Variants in NRG3 observed in about 807,000 individuals in gnomAD.
NRG3 encodes pro-neuregulin-3, membrane-bound isoform.
A neutral mutation model predicts 66.9 loss-of-function variants in NRG3; 31 were observed. The observed-to-expected ratio is 0.46, with a 90% CI of 0.35 to 0.63. NRG3 has a LOEUF of 0.63. Ranked by LOEUF, NRG3 falls within the 20% of genes least tolerant of loss-of-function variation. The probability of loss-of-function intolerance (pLI) is 0.00; values close to 1 mark genes in which losing one functional copy is unlikely to be tolerated. For missense variants in NRG3, 910 were observed against 878.9 expected (o/e 1.04, Z -0.45); for synonymous variants, 393 against 359.4 (o/e 1.09, Z -1.06).
At chr10:82,886,313 G>A (rs965465912) in intron 4 of NRG3, among the ~76,000 whole-genome samples, 1 of 152,034 alleles carries the variant, frequency 6.6e-6, no homozygotes, top group Admixed American at 6.5e-5. Flanking sequence ...TTTTACAAAG[G>A]CACTTCCTTT....
At chr10:82,486,476 G>C (rs1303456421) in intron 2 of NRG3, among the ~76,000 whole-genome samples, 1 of 151,662 alleles carries the variant, frequency 6.6e-6, no homozygotes, top group Non-Finnish European at 1.5e-5. Context: ...GTGCAGTGGT[G>C]CAATCTTGGC....
intron 1 of NRG3, among the ~76,000 whole-genome samples, chr10:81,954,455 A>G (rs1344350765): frequency 6.6e-6 from 1 of 152,218 alleles, no homozygotes; most frequent in Non-Finnish European, 1.5e-5. Flanking sequence ...AGATTAACAT[A>G]CCAGTTTGCT....
intron 1 of NRG3, among the ~76,000 whole-genome samples, chr10:82,277,405 T>C (rs1039548546): frequency 1.3e-5 from 2 of 152,132 alleles, no homozygotes; most frequent in Admixed American, 6.6e-5. Context: ...TATAAGGTTG[T>C]TTAAAACCAT....
At chr10:82,179,530 A>G (rs969393955) in intron 1 of NRG3, among the ~76,000 whole-genome samples, 1 of 151,846 alleles carries the variant, frequency 6.6e-6, no homozygotes, top group African/African-American at 2.4e-5. Flanking sequence ...TGTTCTTGGC[A>G]TCCTTGTCAA....
At chr10:82,875,744 G>A (rs1430109404) in intron 4 of NRG3, among the ~76,000 whole-genome samples, 1 of 152,134 alleles carries the variant, frequency 6.6e-6, no homozygotes, top group Non-Finnish European at 1.5e-5. Flanking sequence ...AGCCCTCCAA[G>A]TATTTTGTTT....
chr10:82,090,807 G>C (rs1288491239), intron 1 of NRG3, among the ~76,000 whole-genome samples: 1 of 152,130 alleles, frequency 6.6e-6, no homozygotes, highest in Non-Finnish European at 1.5e-5. Context: ...TTTGGTTTGG[G>C]ACTAAAAACA....
intron 4 of NRG3, among the ~76,000 whole-genome samples, chr10:82,911,336 T>C (rs2131973687): frequency 6.6e-6 from 1 of 152,246 alleles, no homozygotes; most frequent in African/African-American, 2.4e-5. Flanking sequence ...ATTCATGGGT[T>C]GTGCCTTTGG....
chr10:82,453,113 A>C lies in NRG3; in HGVS notation c.953+94245A>C, dbSNP rs374164041. 2.9e-3 allele frequency among the ~76,000 whole-genome samples: 437 copies of C among 152,284 alleles called. 3 individuals carry two copies. Among genetic ancestry groups the C allele is most frequent in the African/African-American group, 0.01 (427 of 41,558 alleles). On this transcript the variant is annotated intron_variant, in intron 2 of 8. Coordinates refer to ENST00000372141, the MANE Select transcript of NRG3 (RefSeq NM_001010848.4). ...AGCCTGTTTTCTTATATTTTAAATG[A>C]AGAGAACTTAACTACCTTACAGATT...
At chr10:82,608,027 CT>C (rs2133462653) in intron 2 of NRG3, among the ~76,000 whole-genome samples, 1 of 152,248 alleles carries the variant, frequency 6.6e-6, no homozygotes, top group South Asian at 2.1e-4. Context: ...TATTCCTTTT[CT>C]AATGCTCTTC....
chr10:82,833,409 G>A (rs2062624513), intron 3 of NRG3, among the ~76,000 whole-genome samples: 1 of 152,128 alleles, frequency 6.6e-6, no homozygotes, highest in African/African-American at 2.4e-5. Flanking sequence ...GTTTCCCACT[G>A]ACAGATGCCA....
intron 1 of NRG3, among the ~76,000 whole-genome samples, chr10:82,176,067 G>A (rs1429662174): frequency 6.6e-6 from 1 of 152,130 alleles, no homozygotes; most frequent in Non-Finnish European, 1.5e-5. Flanking sequence ...TCCAACTTAG[G>A]AAGCTCTGGA....
intron 2 of NRG3, among the ~76,000 whole-genome samples, chr10:82,493,037 A>G (rs1843290878): frequency 1.3e-5 from 2 of 152,122 alleles, no homozygotes; most frequent in African/African-American, 4.8e-5. Context: ...CTGTGACTTC[A>G]GTGCTCTCTG....
At chr10:82,658,113 C>A (rs1332863002) in intron 2 of NRG3, among the ~76,000 whole-genome samples, 1 of 151,960 alleles carries the variant, frequency 6.6e-6, no homozygotes, top group Non-Finnish European at 1.5e-5. Context: ...AAACATAAAC[C>A]AATATTTTCC....
chr10:82,490,902 A>T (rs1160043116), intron 2 of NRG3, among the ~76,000 whole-genome samples: 1 of 151,990 alleles, frequency 6.6e-6, no homozygotes. Context: ...CCTACTTCAA[A>T]CTCAGTTCAT....
chr10:82,348,975 T>G (rs1397641116), intron 1 of NRG3, among the ~76,000 whole-genome samples: 2 of 150,784 alleles, frequency 1.3e-5, no homozygotes, highest in Non-Finnish European at 3.0e-5. Flanking sequence ...TCTTCTAAAT[T>G]TTTTTCAAAG....
chr10:82,603,582 C>A (rs1385508968), intron 2 of NRG3, among the ~76,000 whole-genome samples: 1 of 152,018 alleles, frequency 6.6e-6, no homozygotes, highest in Non-Finnish European at 1.5e-5. Context: ...TTATGACCAC[C>A]CACAGTTTCA....
intron 3 of NRG3, among the ~76,000 whole-genome samples, chr10:82,757,294 C>G (rs1406989608): frequency 6.6e-6 from 1 of 152,060 alleles, no homozygotes; most frequent in Non-Finnish European, 1.5e-5. Context: ...TAGTGAGACA[C>G]TTTACCACTT....
chr10:82,595,523 C>T (rs1290139048), intron 2 of NRG3, among the ~76,000 whole-genome samples: 1 of 152,162 alleles, frequency 6.6e-6, no homozygotes, highest in African/African-American at 2.4e-5. Flanking sequence ...CGATGGCCCA[C>T]ACCTGTAATC....
chr10:82,796,392 G>A (rs1364392190), intron 3 of NRG3, among the ~76,000 whole-genome samples: 1 of 152,130 alleles, frequency 6.6e-6, no homozygotes, highest in Non-Finnish European at 1.5e-5. Context: ...ACCATTTCAT[G>A]GGAGAGAACG....
Sources: allele counts gnomAD v4.1 joint callset (sites outside exome capture counted in the v4.1 genomes callset), GRCh38; gene constraint gnomAD v4.1.1; transcripts MANE v1.5; gene names NCBI Gene and HGNC (gene_info 2026-07-23, HGNC 2026-07-21).